Variants in PDSS2 observed in about 807,000 individuals in gnomAD.
PDSS2 encodes all trans-polyprenyl-diphosphate synthase PDSS2.
In PDSS2, 31 loss-of-function variants were observed where a neutral mutation model predicts 44.5. The observed-to-expected ratio is 0.70, with a 90% confidence interval of 0.52 to 0.94. The LOEUF (loss-of-function observed/expected upper bound fraction) is 0.94. Among genes scored for constraint, PDSS2 ranks in the 40% least tolerant of loss-of-function variants. The probability of loss-of-function intolerance (pLI) is 0.00; values close to 1 mark genes in which losing one functional copy is unlikely to be tolerated. For missense variants in PDSS2, 452 were observed against 482.2 expected, an observed-to-expected ratio of 0.94 and a Z score of 0.59; for synonymous variants, 157 against 180.3, an observed-to-expected ratio of 0.87 and a Z score of 1.03.
At chr6:107,187,855 C>T (rs2114496381) in intron 7 of PDSS2, among the ~76,000 whole-genome samples, 1 of 152,228 alleles carries the variant, frequency 6.6e-6, no homozygotes, top group East Asian at 1.9e-4. Flanking sequence ...CACCGAAGCA[C>T]CTGCCGTTAG....
intron 2 of PDSS2, among the ~76,000 whole-genome samples, chr6:107,314,529 C>T (rs905499115): frequency 2.6e-5 from 4 of 152,098 alleles, no homozygotes; most frequent in Admixed American, 6.6e-5. Context: ...TTATGCCAGA[C>T]GGTAATGAGC....
At chr6:107,184,710 G>A (rs1044708041) in intron 7 of PDSS2, among the ~76,000 whole-genome samples, 10 of 152,198 alleles carry the variant, frequency 6.6e-5, no homozygotes, top group African/African-American at 1.9e-4. Flanking sequence ...GAGCCAGAAC[G>A]TGACACTCTG....
chr6:107,410,687 C>T (rs28581670), intron 1 of PDSS2, among the ~76,000 whole-genome samples: 18,264 of 151,996 alleles, frequency 0.12, 1,416 homozygotes, highest in East Asian at 0.24. Flanking sequence ...GGGGCTTCAC[C>T]ATGTTGGCCA....
intron 7 of PDSS2, among the ~76,000 whole-genome samples, chr6:107,171,509 A>C (rs1482027405): frequency 1.3e-5 from 2 of 151,168 alleles, no homozygotes; most frequent in African/African-American, 4.9e-5. Flanking sequence ...AATTTTTTTC[A>C]AGTTCTTTTT....
chr6:107,154,822 A>T, intron 7 of PDSS2, 45 bp from the exon 8 acceptor site: 1 of 1,547,710 alleles, frequency 6.5e-7, no homozygotes, highest in Non-Finnish European at 8.9e-7. Context: ...TTAAAGGTAC[A>T]CAGTAAGCAC....
intron 7 of PDSS2, among the ~76,000 whole-genome samples, chr6:107,160,554 A>G (rs1276309749): frequency 1.3e-5 from 2 of 151,722 alleles, no homozygotes; most frequent in East Asian, 1.9e-4. Context: ...TTCTCACTAT[A>G]TTGCTCAAGA....
At chr6:107,306,463 ATCAAACCTCTT>A (rs1337092144) in intron 2 of PDSS2, among the ~76,000 whole-genome samples, 1 of 152,318 alleles carries the variant, frequency 6.6e-6, no homozygotes, top group East Asian at 1.9e-4. Context: ...TGTAAGTCCA[ATCAAACCTCTT>A]TCCTTTGTAA....
At chr6:107,336,666 A>T (rs1454873219) in intron 1 of PDSS2, among the ~76,000 whole-genome samples, 2 of 151,990 alleles carry the variant, frequency 1.3e-5, no homozygotes, top group South Asian at 2.1e-4. Flanking sequence ...AGAGCTTTTT[A>T]AATTTTTTTT....
chr6:107,442,176 G>C (rs538424016), intron 1 of PDSS2, among the ~76,000 whole-genome samples: 1 of 152,272 alleles, frequency 6.6e-6, no homozygotes, highest in South Asian at 2.1e-4. Context: ...CAACACTTTG[G>C]GAGGCCAAAG....
chr6:107,384,281 G>T (rs148918296), intron 1 of PDSS2, among the ~76,000 whole-genome samples: 2 of 152,066 alleles, frequency 1.3e-5, no homozygotes, highest in African/African-American at 4.8e-5. Context: ...TTTTTTGAGG[G>T]GAGTGGTAGA....
intron 1 of PDSS2, among the ~76,000 whole-genome samples, chr6:107,336,015 G>C: frequency 7.4e-6 from 1 of 135,656 alleles, no homozygotes; most frequent in East Asian, 2.6e-4. Flanking sequence ...CGGGGTGGGG[G>C]GGGTGGGGGG....
chr6:107,199,903 C>A (rs1258295875), intron 6 of PDSS2, among the ~76,000 whole-genome samples: 1 of 152,058 alleles, frequency 6.6e-6, no homozygotes, highest in East Asian at 1.9e-4. Context: ...CCATATAGAA[C>A]AATGGCATAT....
chr6:107,377,787 CA>C (rs1442558456), intron 1 of PDSS2, among the ~76,000 whole-genome samples: 1 of 151,252 alleles, frequency 6.6e-6, no homozygotes, highest in Non-Finnish European at 1.5e-5. Context: ...ATCGCAAGGA[CA>C]AAAAACCAAA....
intron 7 of PDSS2, among the ~76,000 whole-genome samples, chr6:107,189,881 A>T (rs1772310157): frequency 6.6e-6 from 1 of 152,054 alleles, no homozygotes; most frequent in Non-Finnish European, 1.5e-5. Context: ...TAACAGCGAG[A>T]CCTCGTTCCT....
In PDSS2 at chr6:107,245,547, C is replaced by T. The variant is rs1399770543; in HGVS notation, c.702+1G>A. 1 of 1,537,050 alleles carries T rather than the reference C, an allele frequency of 6.5e-7. No individual in the cohort carries two copies. Among genetic ancestry groups the T allele is most frequent in the Non-Finnish European group, 9.0e-7 (1 of 1,115,620 alleles). The stretch of plus-strand genomic sequence containing the variant: ...CATTTTATGACTCTGAAATCCTTTA[C>T]CTTTGAAGTAGAATTTTCATGATAT... On this transcript the variant is annotated splice_donor_variant, in intron 4 of 7. Transcript: ENST00000369037. LOFTEE classifies it high-confidence loss of function.
chr6:107,410,706 T>G (rs1780465117), intron 1 of PDSS2, among the ~76,000 whole-genome samples: 1 of 152,174 alleles, frequency 6.6e-6, no homozygotes, highest in African/African-American at 2.4e-5. Flanking sequence ...CAGGCTGGTC[T>G]CAAGCTCCTG....
intron 2 of PDSS2, among the ~76,000 whole-genome samples, chr6:107,293,443 C>T (rs1314118679): frequency 6.6e-6 from 1 of 152,186 alleles, no homozygotes; most frequent in East Asian, 1.9e-4. Flanking sequence ...ATCTGTCCCC[C>T]TCCCCACTGG....
chr6:107,301,869 A>G (rs534255525), intron 2 of PDSS2, among the ~76,000 whole-genome samples: 1 of 139,074 alleles, frequency 7.2e-6, no homozygotes, highest in East Asian at 2.3e-4. Flanking sequence ...GGTTGCAGTG[A>G]GCCGAGATCA....
At chr6:107,438,510 C>T (rs368719981) in intron 1 of PDSS2, among the ~76,000 whole-genome samples, 16 of 152,126 alleles carry the variant, frequency 1.1e-4, no homozygotes, top group African/African-American at 2.4e-4. Context: ...CCACCATGCC[C>T]GGCCTGTTTT....
Sources: allele counts gnomAD v4.1 joint callset (sites outside exome capture counted in the v4.1 genomes callset), GRCh38; gene constraint gnomAD v4.1.1; transcripts MANE v1.5; gene names NCBI Gene and HGNC (gene_info 2026-07-23, HGNC 2026-07-21).